Variants in GNG3 observed in about 807,000 individuals in gnomAD.
The protein encoded by GNG3 is G protein subunit gamma 3.
Under a neutral mutation model 5.6 loss-of-function variants are expected in GNG3, and 4 were observed. The observed-to-expected ratio is 0.71, with a 90% CI of 0.35 to 1.63. The LOEUF (loss-of-function observed/expected upper bound fraction) is 1.63. GNG3 is among the 40% of genes most tolerant of loss of function. The probability of loss-of-function intolerance (pLI) is 0.05; values close to 1 mark genes in which losing one functional copy is unlikely to be tolerated. For missense variants in GNG3, 62 were observed against 96.6 expected, an observed-to-expected ratio of 0.64 and a Z score of 1.50; for synonymous variants, 30 against 33.5, an observed-to-expected ratio of 0.89 and a Z score of 0.36.
intron 1 of GNG3, 177 bp downstream of exon 1, chr11:62,708,092 GA>G: frequency 1.7e-6 from 1 of 599,904 alleles, no homozygotes; most frequent in Non-Finnish European, 3.0e-6. Flanking sequence ...GGCCATGAGG[GA>G]GTTTGGGGAG....
At chr11:62,707,367 A>G (rs79848597), upstream of GNG3, 8,304 of 724,688 alleles carry the variant, frequency 0.011, 454 homozygotes, top group African/African-American at 0.13. Flanking sequence ...GCTGTGTCAG[A>G]GTAGAGGGAG....
chr11:62,707,605 G>A (rs954417902), upstream of GNG3: 80 of 533,280 alleles, frequency 1.5e-4, no homozygotes, highest in Non-Finnish European at 2.6e-4. Context: ...GTGGGGGTGT[G>A]CGCAGGGATG....
intron 1 of GNG3, 46 bp from the exon 2 acceptor site, chr11:62,708,249 G>T (rs1427733281): frequency 8.3e-7 from 1 of 1,202,832 alleles, no homozygotes; most frequent in Non-Finnish European, 1.2e-6. Flanking sequence ...CATGGAGGGG[G>T]GCCTCCAGCT....
upstream of GNG3, chr11:62,707,337 C>CG: frequency 1.2e-6 from 1 of 800,308 alleles, no homozygotes. Context: ...GGGAGAGAAA[C>CG]GAAGATTCAG....
chr11:62,708,446 G>A, intron 2 of GNG3, 52 bp downstream of exon 2: 1 of 1,373,488 alleles, frequency 7.3e-7, no homozygotes, highest in Non-Finnish European at 1.0e-6. Flanking sequence ...GTGCTGTGCT[G>A]CAGGTTCCCA....
Position 62,708,841 on chromosome 11 carries a change from C to A in GNG3, c.*35C>A. 6.5e-7 allele frequency: 1 copy of A among 1,533,792 alleles called. No individual in the cohort carries two copies. Among genetic ancestry groups the A allele is most frequent in the Non-Finnish European group, 9.0e-7 (1 of 1,108,704 alleles). ...TCCCTTCTCACAACTCCTCCCTTTT[C>A]CCTCTCCTGGGCCCTTCCTTAGGTC... On this transcript the variant is annotated 3_prime_UTR_variant, in exon 3 of 3. Transcript: ENST00000294117.
chr11:62,707,039 C>T (rs2083552745), upstream of GNG3: 4 of 1,343,312 alleles, frequency 3.0e-6, no homozygotes, highest in Admixed American at 6.0e-5. Flanking sequence ...AATCCATCCC[C>T]CCGCCCCCTT....
upstream of GNG3, chr11:62,706,986 C>G: frequency 1.2e-6 from 1 of 826,764 alleles, no homozygotes; most frequent in Non-Finnish European, 2.0e-6. Context: ...CTGCTGCGGG[C>G]GTGGGAAGTA....
At chr11:62,707,108 C>T, upstream of GNG3, 3 of 1,553,094 alleles carry the variant, frequency 1.9e-6, no homozygotes, top group South Asian at 1.2e-5. Flanking sequence ...AGGGCCCCTA[C>T]CTCCTCTTTG....
chr11:62,708,252 C>T lies in GNG3; in HGVS notation c.-1-43C>T, dbSNP rs183265779. 1.7e-4 allele frequency: 218 copies of T among 1,288,130 alleles called. 1 individual carries two copies. In the Admixed American group the frequency reaches 3.6e-3, roughly 21 times the overall value. The allele number at this position is 1,288,130 out of a possible 1,614,324, so 79.8% of individuals were successfully genotyped here. A position where few individuals can be genotyped will look rare whatever the true frequency, so the allele number is the denominator to read the frequency against. On this transcript the variant is annotated intron_variant, in intron 1 of 2. Transcript: ENST00000294117. The stretch of plus-strand genomic sequence containing the variant: ...GTGTGGAGTGAGCATGGAGGGGGGC[C>T]TCCAGCTGAGACTGTGCTCTGAGAG...
chr11:62,707,288 G>T, upstream of GNG3: 1 of 1,100,232 alleles, frequency 9.1e-7, no homozygotes, highest in Non-Finnish European at 1.4e-6. Context: ...TACCTGTGGC[G>T]CATCACATTT....
chr11:62,708,886 T>G lies in GNG3; in HGVS notation c.*80T>G, dbSNP rs1201440074. 1 of 1,081,188 alleles carries G rather than the reference T, an allele frequency of 9.2e-7. No individual in the cohort carries two copies. Among genetic ancestry groups the G allele is most frequent in the African/African-American group, 1.6e-5 (1 of 64,302 alleles). The allele number at this position is 1,081,188 out of a possible 1,614,324, so 67.0% of individuals were successfully genotyped here. ...TAGGTCAGTAATTGTTGTGAGCCCCTTAGGCTCCTTGCATCCCATCCCTAA... is the reference window on the plus strand; with the variant it reads ...TAGGTCAGTAATTGTTGTGAGCCCCGTAGGCTCCTTGCATCCCATCCCTAA... On this transcript the variant is annotated 3_prime_UTR_variant, in exon 3 of 3. Transcript: ENST00000294117.
In GNG3 at chr11:62,708,970, G is replaced by A. The variant is rs959046078; in HGVS notation, c.*164G>A. On this transcript the variant is annotated 3_prime_UTR_variant, in exon 3 of 3. Coordinates refer to ENST00000294117, the MANE Select transcript of GNG3 (RefSeq NM_012202.5). Reference sequence around the variant, plus strand: ...CAAGGCCCACCCTCACCTATCTGTCGACCCCATTTCCTACCACCTTTGTGG... The same window carrying A: ...CAAGGCCCACCCTCACCTATCTGTCAACCCCATTTCCTACCACCTTTGTGG... 4.6e-6 allele frequency: 3 copies of A among 656,364 alleles called. No homozygotes were observed. Among genetic ancestry groups the A allele is most frequent in the African/African-American group, 3.6e-5 (2 of 55,192 alleles). 40.7% of individuals were successfully genotyped at this position (656,364 alleles called of 1,614,324 possible).
chr11:62,707,741 A>C lies in GNG3; in HGVS notation c.-176A>C. ...CAGTGCTTGAGCTGCAGAAACTGAG[A>C]CCAGACCTCTGGCCTGGCCCTCCCC... On this transcript the variant is annotated 5_prime_UTR_variant, in exon 1 of 3. Coordinates refer to ENST00000294117, the MANE Select transcript of GNG3 (RefSeq NM_012202.5). The C allele has an allele frequency of 3.3e-6, 1 of 303,644 alleles. No individual in the cohort carries two copies. Among genetic ancestry groups the C allele is most frequent in the South Asian group, 3.4e-5 (1 of 29,432 alleles). 18.8% of individuals were successfully genotyped at this position (303,644 alleles called of 1,614,324 possible).
chr11:62,707,165 C>T (rs374093011), upstream of GNG3: 67 of 1,554,204 alleles, frequency 4.3e-5, no homozygotes, highest in East Asian at 3.1e-4. Context: ...TCCCCAGCTT[C>T]CTCCTTTTGG....
At position 62,708,567 on chromosome 11, in the gene GNG3, G is replaced by A. The variant is rs185323471; in HGVS notation, c.100-111G>A. On this transcript the variant is annotated intron_variant, in intron 2 of 2. Transcript: ENST00000294117. ...GGCCTCTGGGGGGGATGAGGGAGAA[G>A]ACAAGTCGTAAGGAGCCCTGGAGAT... 9.1e-4 allele frequency: 1,343 copies of A among 1,477,292 alleles called. 8 individuals carry two copies. In the Middle Eastern group the frequency reaches 0.015, roughly 17 times the overall value. The allele number at this position is 1,477,292 out of a possible 1,614,324, so 91.5% of individuals were successfully genotyped here.
chr11:62,707,218 C>T (rs537527589), upstream of GNG3: 34 of 1,549,160 alleles, frequency 2.2e-5, no homozygotes, highest in African/African-American at 3.1e-4. Context: ...CCTCTGTTGA[C>T]TCTGGATCTT....
chr11:62,708,484 C>A, intron 2 of GNG3, 90 bp downstream of exon 2: 1 of 1,219,874 alleles, frequency 8.2e-7, no homozygotes, highest in Non-Finnish European at 1.2e-6. Context: ...TGCGTTCTTT[C>A]CTTCACTCCC....
At chr11:62,707,301 C>G, upstream of GNG3, 1 of 1,014,584 alleles carries the variant, frequency 9.9e-7, no homozygotes, top group Non-Finnish European at 1.5e-6. Context: ...TCACATTTTC[C>G]TGGATATGGA....
Sources: allele counts gnomAD v4.1 joint callset, GRCh38; gene constraint gnomAD v4.1.1; transcripts MANE v1.5; gene names NCBI Gene and HGNC (gene_info 2026-07-23, HGNC 2026-07-21).